OPCML: variants seen among roughly 807,000 people sequenced by gnomAD.
OPCML encodes the protein opioid-binding protein/cell adhesion molecule.
A neutral mutation model predicts 37.8 loss-of-function variants in OPCML; 13 were observed. The observed-to-expected ratio is 0.34, with a 90% confidence interval of 0.22 to 0.55. The LOEUF (loss-of-function observed/expected upper bound fraction) is 0.55. OPCML is among the 20% of genes least tolerant of loss of function. The probability of loss-of-function intolerance (pLI) is 0.91; values close to 1 mark genes in which losing one functional copy is unlikely to be tolerated. For synonymous variants in OPCML, 176 were observed against 168.8 expected (o/e 1.04, Z -0.33); for missense variants, 341 against 435.6 (o/e 0.78, Z 1.93).
At chr11:132,579,439 G>T (rs557831940) in intron 3 of OPCML, among the ~76,000 whole-genome samples, 1 of 151,726 alleles carries the variant, frequency 6.6e-6, no homozygotes, top group African/African-American at 2.4e-5. Context: ...TGGGGATAAT[G>T]AGAGTAGTTG....
At chr11:133,179,713 A>G (rs779867586) in intron 1 of OPCML, among the ~76,000 whole-genome samples, 11 of 152,222 alleles carry the variant, frequency 7.2e-5, no homozygotes, top group Non-Finnish European at 1.5e-4. Context: ...TGTGGAACAC[A>G]AAAGTCCAAG....
At chr11:132,763,793 C>T (rs547304255) in intron 2 of OPCML, among the ~76,000 whole-genome samples, 67 of 152,316 alleles carry the variant, frequency 4.4e-4, no homozygotes, top group African/African-American at 1.5e-3. Flanking sequence ...TGTCACTCCT[C>T]GGAAGGTGGC....
At chr11:132,618,736 T>C (rs1024388664) in intron 3 of OPCML, among the ~76,000 whole-genome samples, 1 of 152,160 alleles carries the variant, frequency 6.6e-6, no homozygotes, top group African/African-American at 2.4e-5. Context: ...GTGGCATTAA[T>C]TACATTTAAA....
At chr11:132,621,635 C>T (rs1055427122) in intron 3 of OPCML, among the ~76,000 whole-genome samples, 13 of 152,070 alleles carry the variant, frequency 8.5e-5, no homozygotes, top group Admixed American at 1.3e-4. Flanking sequence ...TGGGAAAGGG[C>T]GTGATTAGAG....
chr11:133,335,624 G>A (rs1943728797), intron 1 of OPCML, among the ~76,000 whole-genome samples: 1 of 152,140 alleles, frequency 6.6e-6, no homozygotes, highest in Non-Finnish European at 1.5e-5. Flanking sequence ...CTTTCAATCA[G>A]AAAAACAGTT....
In OPCML at chr11:132,450,315, G is replaced by A. The variant is rs545132854; in HGVS notation, c.506-12956C>T. ...TGGCAGAAAATGTCGCTGTGAGGGA[G>A]AAAGACAAAGAGGAACGCAAGGTGA... On this transcript the variant is annotated intron_variant, in intron 4 of 7. Coordinates refer to ENST00000524381, the MANE Select transcript of OPCML (RefSeq NM_001012393.5). 1.3e-4 allele frequency among the ~76,000 whole-genome samples: 20 copies of A among 152,346 alleles called. No homozygotes were observed. The South Asian group carries it at 4.1e-3, about 32-fold the overall frequency.
intron 1 of OPCML, among the ~76,000 whole-genome samples, chr11:133,204,748 G>T (rs1938956199): frequency 2.0e-5 from 3 of 151,738 alleles, no homozygotes; most frequent in Non-Finnish European, 4.4e-5. Flanking sequence ...CTTTACTGTA[G>T]CTGTTATTTC....
chr11:132,803,588 T>C (rs529803853), intron 2 of OPCML, among the ~76,000 whole-genome samples: 1 of 152,286 alleles, frequency 6.6e-6, no homozygotes, highest in African/African-American at 2.4e-5. Context: ...CTCACTATGA[T>C]TCAACTTGGA....
chr11:132,751,085 T>G (rs1047886862), intron 2 of OPCML, among the ~76,000 whole-genome samples: 8 of 152,166 alleles, frequency 5.3e-5, no homozygotes, highest in African/African-American at 1.9e-4. Context: ...AAGAACAGGT[T>G]TGTTCAAGAT....
intron 1 of OPCML, among the ~76,000 whole-genome samples, chr11:133,307,409 T>C (rs900318941): frequency 6.6e-6 from 1 of 152,206 alleles, no homozygotes; most frequent in African/African-American, 2.4e-5. Flanking sequence ...TGCTGTATTA[T>C]GTTACAAAAT....
intron 4 of OPCML, among the ~76,000 whole-genome samples, chr11:132,516,941 A>G (rs918314741): frequency 2.0e-5 from 3 of 152,140 alleles, no homozygotes; most frequent in Non-Finnish European, 2.9e-5. Flanking sequence ...AAATCCAGCC[A>G]CAAGTTCTTC....
At chr11:133,055,177 T>A (rs1023043985) in intron 1 of OPCML, among the ~76,000 whole-genome samples, 1 of 130,480 alleles carries the variant, frequency 7.7e-6, no homozygotes, top group African/African-American at 2.9e-5. Context: ...CATATAATGC[T>A]GCCTCCATGA....
chr11:133,254,624 G>T (rs1489913251), intron 1 of OPCML, among the ~76,000 whole-genome samples: 1 of 152,194 alleles, frequency 6.6e-6, no homozygotes, highest in Non-Finnish European at 1.5e-5. Context: ...GGAGGAGATG[G>T]CTATAGCAGA....
At chr11:132,667,104 G>A (rs189733308) in intron 2 of OPCML, among the ~76,000 whole-genome samples, 4 of 152,338 alleles carry the variant, frequency 2.6e-5, no homozygotes, top group Admixed American at 1.3e-4. Flanking sequence ...ACACTTTAAC[G>A]AACTTTGATG....
intron 1 of OPCML, among the ~76,000 whole-genome samples, chr11:133,459,626 C>T (rs182594102): frequency 9.2e-5 from 14 of 152,016 alleles, no homozygotes; most frequent in African/African-American, 2.6e-4. Flanking sequence ...AAAACTGTTA[C>T]AAGAGACAAA....
At chr11:132,430,525 G>A (rs370064287) in intron 7 of OPCML, among the ~76,000 whole-genome samples, 1 of 152,150 alleles carries the variant, frequency 6.6e-6, no homozygotes, top group African/African-American at 2.4e-5. Context: ...CAGGAGCCGC[G>A]AGGCAGGCTG....
intron 3 of OPCML, among the ~76,000 whole-genome samples, chr11:132,588,434 T>C (rs1032085123): frequency 1.3e-5 from 2 of 152,124 alleles, no homozygotes; most frequent in Admixed American, 6.6e-5. Flanking sequence ...TGATCAATCA[T>C]AGCCTTGTAT....
chr11:132,715,731 C>T (rs66470574), intron 2 of OPCML, among the ~76,000 whole-genome samples: 6,429 of 152,226 alleles, frequency 0.042, 206 homozygotes, highest in Non-Finnish European at 0.063. Context: ...ACTTATAGTG[C>T]CTGGCACTGT....
intron 1 of OPCML, among the ~76,000 whole-genome samples, chr11:133,125,346 C>G (rs1311153669): frequency 1.3e-5 from 2 of 152,016 alleles, no homozygotes; most frequent in Non-Finnish European, 2.9e-5. Flanking sequence ...AATTCAGCCT[C>G]TATCTCTTTT....
Sources: gnomAD v4.1 joint callset for allele counts (sites outside exome capture counted in the v4.1 genomes callset) on GRCh38, gnomAD v4.1.1 for gene constraint, MANE v1.5 for transcripts, NCBI Gene and HGNC (gene_info 2026-07-23, HGNC 2026-07-21) for gene names.